CSMD1: variants seen among roughly 807,000 people sequenced by gnomAD.
The protein encoded by CSMD1 is CUB and Sushi multiple domains 1.
A neutral mutation model predicts 417.5 loss-of-function variants in CSMD1; 213 were observed. That is an observed-to-expected ratio of 0.51 (90% CI 0.46 to 0.57). The LOEUF is 0.57. Ranked by LOEUF, CSMD1 falls within the 20% of genes least tolerant of loss-of-function variation. The pLI, the probability that CSMD1 is intolerant of heterozygous loss-of-function variation, is 0.00. For synonymous variants in CSMD1, 2,862 were observed against 1,736.8 expected, an observed-to-expected ratio of 1.65 and a Z score of -16.11; for missense variants, 6,923 against 4,529.7, an observed-to-expected ratio of 1.53 and a Z score of -15.17.
At chr8:3,524,274 C>CAT (rs1797657152) in intron 10 of CSMD1, among the ~76,000 whole-genome samples, 1 of 151,500 alleles carries the variant, frequency 6.6e-6, no homozygotes, top group African/African-American at 2.4e-5. Context: ...CACACACACA[C>CAT]GCACATATAC....
At chr8:3,139,888 TTTTCTTTTC>T (rs1818326672) in intron 41 of CSMD1, among the ~76,000 whole-genome samples, 1 of 147,624 alleles carries the variant, frequency 6.8e-6, no homozygotes, top group African/African-American at 2.5e-5. Context: ...TTTCTTTCTT[TTTTCTTTTC>T]TTTCTTTCTT....
At chr8:4,691,729 C>T (rs1025480736) in intron 1 of CSMD1, among the ~76,000 whole-genome samples, 1 of 152,226 alleles carries the variant, frequency 6.6e-6, no homozygotes, top group Non-Finnish European at 1.5e-5. Flanking sequence ...GGTCCAGGTA[C>T]ACTACATTGG....
chr8:3,718,935 A>G (rs1248990970), intron 6 of CSMD1, among the ~76,000 whole-genome samples: 1 of 152,134 alleles, frequency 6.6e-6, no homozygotes, highest in Non-Finnish European at 1.5e-5. Flanking sequence ...TTTTCCCTCC[A>G]AACAGAGGGA....
chr8:3,588,421 T>C (rs988897858), intron 8 of CSMD1, among the ~76,000 whole-genome samples: 1 of 152,108 alleles, frequency 6.6e-6, no homozygotes, highest in African/African-American at 2.4e-5. Context: ...ACTTCTTCAA[T>C]GATCCCCTTA....
chr8:3,439,369 C>A (rs186445458), intron 12 of CSMD1, among the ~76,000 whole-genome samples: 26 of 138,054 alleles, frequency 1.9e-4, no homozygotes, highest in African/African-American at 5.2e-4. Context: ...TATAATAGCT[C>A]ATTTTTGTCT....
chr8:3,481,962 T>C (rs1042076599), intron 11 of CSMD1, among the ~76,000 whole-genome samples: 2 of 152,230 alleles, frequency 1.3e-5, no homozygotes, highest in African/African-American at 4.8e-5. Context: ...AGGAAATAAA[T>C]GTATCAGTAG....
At chr8:3,380,776 G>T (rs1190250449) in intron 18 of CSMD1, among the ~76,000 whole-genome samples, 1 of 151,980 alleles carries the variant, frequency 6.6e-6, no homozygotes, top group African/African-American at 2.4e-5. Context: ...AGCATTAGAA[G>T]AAATACCTAA....
At chr8:4,063,332 A>G (rs970658119) in intron 3 of CSMD1, among the ~76,000 whole-genome samples, 36 of 152,278 alleles carry the variant, frequency 2.4e-4, no homozygotes, top group African/African-American at 8.4e-4. Context: ...TAAAGATAAA[A>G]TAAAAATTAT....
chr8:3,883,225 T>C (rs956993278), intron 5 of CSMD1, among the ~76,000 whole-genome samples: 1 of 152,208 alleles, frequency 6.6e-6, no homozygotes, highest in Non-Finnish European at 1.5e-5. Context: ...CCTTGAATGA[T>C]TCATTTGACC....
At chr8:4,948,059 G>C (rs1808485691) in intron 1 of CSMD1, among the ~76,000 whole-genome samples, 1 of 151,428 alleles carries the variant, frequency 6.6e-6, no homozygotes, top group South Asian at 2.1e-4. Context: ...AGATACCATA[G>C]TAGTAGAATT....
chr8:4,062,266 G>A (rs959166895), intron 3 of CSMD1, among the ~76,000 whole-genome samples: 2 of 152,070 alleles, frequency 1.3e-5, no homozygotes, highest in Non-Finnish European at 1.5e-5. Context: ...CATAAATGCT[G>A]CAATAAAACC....
intron 5 of CSMD1, among the ~76,000 whole-genome samples, chr8:3,885,743 C>A (rs1408661215): frequency 6.6e-6 from 1 of 152,218 alleles, no homozygotes; most frequent in East Asian, 1.9e-4. Flanking sequence ...AGCCCCTTCT[C>A]CATCTCACAA....
chr8:4,035,556 G>A (rs1223422713), intron 3 of CSMD1, among the ~76,000 whole-genome samples: 1 of 152,150 alleles, frequency 6.6e-6, no homozygotes, highest in Non-Finnish European at 1.5e-5. Flanking sequence ...ATGACCCCGT[G>A]CAGGCCTAGG....
chr8:3,783,921 G>C (rs1251849052), intron 5 of CSMD1, among the ~76,000 whole-genome samples: 1 of 134,726 alleles, frequency 7.4e-6, no homozygotes, highest in Middle Eastern at 3.8e-3. Flanking sequence ...CTGGGCTGCA[G>C]TTTGAATACC....
At chr8:4,399,686 C>G (rs547861982) in intron 3 of CSMD1, among the ~76,000 whole-genome samples, 53 of 152,200 alleles carry the variant, frequency 3.5e-4, no homozygotes, top group African/African-American at 1.2e-3. Context: ...TTTATTAGTA[C>G]AGAAACTCCT....
chr8:4,823,769 G>A (rs1383663893), intron 1 of CSMD1, among the ~76,000 whole-genome samples: 1 of 151,752 alleles, frequency 6.6e-6, no homozygotes, highest in African/African-American at 2.4e-5. Context: ...GGTGGTGGTG[G>A]CAGTGTGTGC....
Position 3,950,197 on chromosome 8 carries a change from C to T in CSMD1, c.818+47706G>A, listed in dbSNP as rs145336698. 9.9e-4 allele frequency among the ~76,000 whole-genome samples: 151 copies of T among 152,252 alleles called. 1 individual carries two copies. Among genetic ancestry groups the T allele is most frequent in the Middle Eastern group, 3.4e-3 (1 of 294 alleles). On this transcript the variant is annotated intron_variant, in intron 5 of 69. Transcript: ENST00000635120. ...CCACAAGACCCTAGAGGCCACGATC[C>T]AATACTGACTGTGAAGTTTCTCATC... is the stretch of plus-strand genomic sequence containing the variant.
intron 5 of CSMD1, among the ~76,000 whole-genome samples, chr8:3,946,513 C>T (rs1585013519): frequency 6.6e-6 from 1 of 152,054 alleles, no homozygotes; most frequent in African/African-American, 2.4e-5. Context: ...ATTCTAGGCC[C>T]TTGGCAATTT....
At chr8:3,326,185 C>T (rs533409507) in intron 23 of CSMD1, among the ~76,000 whole-genome samples, 15 of 152,220 alleles carry the variant, frequency 9.9e-5, no homozygotes, top group Admixed American at 2.6e-4. Flanking sequence ...TCCGTCTTCG[C>T]GATGATATAC....
Sources: allele counts gnomAD v4.1 joint callset (sites outside exome capture counted in the v4.1 genomes callset), GRCh38; gene constraint gnomAD v4.1.1; transcripts MANE v1.5; gene names NCBI Gene and HGNC (gene_info 2026-07-23, HGNC 2026-07-21).